UBE4B: variants seen among roughly 807,000 people sequenced by gnomAD.
UBE4B encodes ubiquitin conjugation factor E4 B.
Under a neutral mutation model 148.1 loss-of-function variants are expected in UBE4B, and 27 were observed. That is an observed-to-expected ratio of 0.18 (90% CI 0.13 to 0.25). The LOEUF (loss-of-function observed/expected upper bound fraction) is 0.25, where lower values mean the gene tolerates loss of function less well. Among genes scored for constraint, UBE4B ranks in the 10% least tolerant of loss-of-function variants. The pLI is 1.00. For synonymous variants in UBE4B, 596 were observed against 619.3 expected (o/e 0.96, Z 0.56); for missense variants, 1,170 against 1,662.4 (o/e 0.70, Z 5.15).
intron 1 of UBE4B, among the ~76,000 whole-genome samples, chr1:10,052,892 A>G (rs184476238): frequency 6.6e-6 from 1 of 152,262 alleles, no homozygotes; most frequent in East Asian, 1.9e-4. Context: ...TAAGAGATTT[A>G]GTTTCTTGAG....
chr1:10,178,844 T>C, intron 26 of UBE4B, 26 bp downstream of exon 26: 2 of 1,559,664 alleles, frequency 1.3e-6, no homozygotes, highest in Non-Finnish European at 1.7e-6. Flanking sequence ...GTTTTCATGC[T>C]GATTTCTTTT....
At chr1:10,103,525 C>T (rs1425625697) in intron 5 of UBE4B, among the ~76,000 whole-genome samples, 10 of 150,382 alleles carry the variant, frequency 6.6e-5, no homozygotes, top group African/African-American at 2.2e-4. Flanking sequence ...TTCTGCCTCC[C>T]GAGTTCAAGT....
intron 2 of UBE4B, among the ~76,000 whole-genome samples, chr1:10,079,451 C>T (rs1423306054): frequency 3.3e-5 from 5 of 152,118 alleles, no homozygotes; most frequent in African/African-American, 9.7e-5. Flanking sequence ...TGAGCCACCG[C>T]ACCCGACCTC....
At chr1:10,117,975 T>A (rs1368832839) in intron 8 of UBE4B, among the ~76,000 whole-genome samples, 1 of 152,218 alleles carries the variant, frequency 6.6e-6, no homozygotes, top group East Asian at 1.9e-4. Context: ...CAGGTCGACA[T>A]TAGCTTGTAT....
At chr1:10,122,113 C>T (rs1410622461) in intron 10 of UBE4B, 37 bp downstream of exon 10, 1 of 1,436,110 alleles carries the variant, frequency 7.0e-7, no homozygotes, top group Non-Finnish European at 9.7e-7. Flanking sequence ...AAATTTTAGC[C>T]TGAGAGCCTC....
rs368445541 is a variant in UBE4B at position 10,061,066 on chromosome 1, G to GT, written c.25-10951dup. 5.2e-3 allele frequency among the ~76,000 whole-genome samples: 756 copies of GT among 145,666 alleles called. 3 individuals carry two copies. Among genetic ancestry groups the GT allele is most frequent in the Middle Eastern group, 0.014 (4 of 284 alleles). On this transcript the variant is annotated intron_variant, in intron 1 of 27. Coordinates refer to ENST00000343090, the MANE Select transcript of UBE4B (RefSeq NM_001105562.3). ...AGTTTGTTTCCACCTTCTGTTTTCT[G>GT]TTTTTTTTTTTATCTCAAAAGACAA...
At chr1:10,037,163 A>AATTAC (rs1434622578) in intron 1 of UBE4B, among the ~76,000 whole-genome samples, 1 of 151,912 alleles carries the variant, frequency 6.6e-6, no homozygotes, top group Non-Finnish European at 1.5e-5. Context: ...AAGTAGCTGG[A>AATTAC]ATTACAGGCA....
chr1:10,063,160 G>A (rs910202948), intron 1 of UBE4B, among the ~76,000 whole-genome samples: 1 of 151,104 alleles, frequency 6.6e-6, no homozygotes, highest in Non-Finnish European at 1.5e-5. Flanking sequence ...CCCAGCCACT[G>A]GGGAGGCTGA....
intron 22 of UBE4B, among the ~76,000 whole-genome samples, chr1:10,159,129 A>G (rs1646120549): frequency 2.0e-5 from 3 of 152,206 alleles, no homozygotes; most frequent in Admixed American, 2.0e-4. Context: ...AATGAGTGAA[A>G]TGAAATCTTA....
At chr1:10,162,344 T>G (rs1454441271) in intron 23 of UBE4B, among the ~76,000 whole-genome samples, 2 of 152,140 alleles carry the variant, frequency 1.3e-5, no homozygotes, top group Non-Finnish European at 2.9e-5. Context: ...TGGCTTATTT[T>G]TTGTATTTTT....
intron 1 of UBE4B, among the ~76,000 whole-genome samples, chr1:10,065,956 A>G (rs1644378274): frequency 6.6e-6 from 1 of 152,064 alleles, no homozygotes; most frequent in Admixed American, 6.6e-5. Context: ...AAATACACAT[A>G]ACATAAAAAT....
intron 1 of UBE4B, among the ~76,000 whole-genome samples, chr1:10,048,683 C>T (rs771789329): frequency 6.6e-6 from 1 of 152,108 alleles, no homozygotes; most frequent in Non-Finnish European, 1.5e-5. Flanking sequence ...AGGACCAAGA[C>T]GTGACTATGG....
At chr1:10,080,322 A>G (rs1644656764) in intron 2 of UBE4B, among the ~76,000 whole-genome samples, 1 of 151,938 alleles carries the variant, frequency 6.6e-6, no homozygotes, top group African/African-American at 2.4e-5. Flanking sequence ...CTGGAAGCTG[A>G]GGCAGGAGAA....
At chr1:10,041,322 C>T (rs1046539732) in intron 1 of UBE4B, among the ~76,000 whole-genome samples, 1 of 151,136 alleles carries the variant, frequency 6.6e-6, no homozygotes, top group African/African-American at 2.4e-5. Flanking sequence ...CCAACTGTAA[C>T]CTTTTTGGCA....
intron 1 of UBE4B, among the ~76,000 whole-genome samples, chr1:10,041,866 T>G (rs1557504768): frequency 6.6e-6 from 1 of 151,536 alleles, no homozygotes; most frequent in Non-Finnish European, 1.5e-5. Context: ...CCCGGCTAAT[T>G]TTTGTATTTT....
intron 23 of UBE4B, among the ~76,000 whole-genome samples, chr1:10,167,815 T>A (rs1183473653): frequency 6.6e-6 from 1 of 152,026 alleles, no homozygotes; most frequent in African/African-American, 2.4e-5. Context: ...GTGGTCTCGA[T>A]CTCGACCTCG....
At chr1:10,126,962 ATGAGATCAACCTTGTTTTCAAAT>A in intron 11 of UBE4B, 85 bp downstream of exon 11, 1 of 1,193,580 alleles carries the variant, frequency 8.4e-7, no homozygotes, top group Non-Finnish European at 1.2e-6. Context: ...TTTCAGGTCC[ATGAGATCAACCTTGTTTTCAAAT>A]TTAAAACATG....
chr1:10,130,682 T>C, intron 13 of UBE4B, 33 bp from the exon 14 acceptor site: 1 of 1,612,866 alleles, frequency 6.2e-7, no homozygotes, highest in Non-Finnish European at 8.5e-7. Context: ...ATGTGCATTA[T>C]ATGTTGACTG....
intron 25 of UBE4B, among the ~76,000 whole-genome samples, chr1:10,175,643 T>C (rs1007187545): frequency 6.6e-6 from 1 of 151,338 alleles, no homozygotes; most frequent in South Asian, 2.1e-4. Flanking sequence ...AGAGCGAGAC[T>C]CCGTCTCAAA....
Sources: allele counts gnomAD v4.1 joint callset (sites outside exome capture counted in the v4.1 genomes callset), GRCh38; gene constraint gnomAD v4.1.1; transcripts MANE v1.5; gene names NCBI Gene and HGNC (gene_info 2026-07-23, HGNC 2026-07-21).